CCL18: variants seen among roughly 807,000 people sequenced by gnomAD.
CCL18 encodes C-C motif chemokine ligand 18.
CCL18 carries 7 observed loss-of-function variants against 8.0 expected under a neutral mutation model. That is an observed-to-expected ratio of 0.87 (90% CI 0.50 to 1.64). CCL18 has a LOEUF of 1.64. Among genes scored for constraint, CCL18 ranks in the 40% most tolerant of loss-of-function variants. The pLI, the probability that CCL18 is intolerant of heterozygous loss-of-function variation, is 0.00. For missense variants in CCL18, 95 were observed against 107.8 expected (o/e 0.88, Z 0.52); for synonymous variants, 35 against 41.3 (o/e 0.85, Z 0.59).
At chr17:36,064,660 G>A (rs77975917) in intron 1 of CCL18, among the ~76,000 whole-genome samples, 1,890 of 152,290 alleles carry the variant, frequency 0.012, 40 homozygotes, top group African/African-American at 0.043. Flanking sequence ...GGTTATTAGC[G>A]TGAGGTAGAA....
At chr17:36,070,350 T>G (rs1290190175) in intron 1 of CCL18, 97 bp from the exon 2 acceptor site, 15 of 696,660 alleles carry the variant, frequency 2.2e-5, no homozygotes, top group South Asian at 1.5e-4. Flanking sequence ...AGCGGTGATA[T>G]CTCCCAGTTC....
In CCL18 at chr17:36,066,499, A is replaced by G. The variant is rs1052568193; in HGVS notation, c.67+2090A>G. On this transcript the variant is annotated intron_variant, in intron 1 of 2. Coordinates refer to ENST00000616054, the MANE Select transcript of CCL18 (RefSeq NM_002988.4). The stretch of plus-strand genomic sequence containing the variant: ...CATGAGGAGCTGGAGACTGGGGATG[A>G]CCAGAGGGGAAGATGTTAAGTGCAT... Among the ~76,000 whole-genome samples, 85 of 152,210 alleles carry G rather than the reference A, an allele frequency of 5.6e-4. 1 individual carries two copies. Among genetic ancestry groups the G allele is most frequent in the African/African-American group, 2.0e-3 (82 of 41,466 alleles).
Position 36,064,477 on chromosome 17 carries a change from G to A in CCL18, c.67+68G>A, listed in dbSNP as rs375607603. 2.5e-4 allele frequency: 318 copies of A among 1,255,064 alleles called. 5 individuals carry two copies. In the South Asian group the frequency reaches 3.9e-3, roughly 15 times the overall value. 77.7% of individuals were successfully genotyped at this position (1,255,064 alleles called of 1,614,324 possible). On this transcript the variant is annotated intron_variant, in intron 1 of 2. Coordinates refer to ENST00000616054, the MANE Select transcript of CCL18 (RefSeq NM_002988.4). ...AGTCAGGCGACATCTTCCAAGTGCT[G>A]TGGCCTGAAAACCCTCGTGTGAAAT...
rs556838283 is a variant in CCL18, at chr17:36,068,219, T to C, written c.68-2228T>C. 1.2e-4 allele frequency among the ~76,000 whole-genome samples: 18 copies of C among 152,180 alleles called. No individual in the cohort carries two copies. The South Asian group carries it at 3.7e-3, about 32-fold the overall frequency. On this transcript the variant is annotated intron_variant, in intron 1 of 2. Coordinates refer to ENST00000616054, the MANE Select transcript of CCL18 (RefSeq NM_002988.4). ...AACCTGTATCATGACAACAGTAATG[T>C]CTTCCCCCACCAGACACAGTAAGAA... is the stretch of plus-strand genomic sequence containing the variant.
intron 1 of CCL18, among the ~76,000 whole-genome samples, chr17:36,066,122 G>A (rs1442166207): frequency 2.6e-5 from 4 of 152,206 alleles, no homozygotes; most frequent in Non-Finnish European, 4.4e-5. Flanking sequence ...AGATATCTAA[G>A]TCCTCAGAAA....
At chr17:36,070,131 T>C (rs955497691) in intron 1 of CCL18, among the ~76,000 whole-genome samples, 1 of 152,088 alleles carries the variant, frequency 6.6e-6, no homozygotes, top group Non-Finnish European at 1.5e-5. Flanking sequence ...GCTGTCCTTA[T>C]GAATTCAGAT....
intron 1 of CCL18, among the ~76,000 whole-genome samples, chr17:36,064,673 T>C (rs115039704): frequency 6.1e-4 from 93 of 152,312 alleles, no homozygotes; most frequent in African/African-American, 2.1e-3. Context: ...AGGTAGAATC[T>C]AGGTCTATTT....
chr17:36,068,358 C>G (rs1055746734), intron 1 of CCL18, among the ~76,000 whole-genome samples: 7 of 151,668 alleles, frequency 4.6e-5, no homozygotes, highest in African/African-American at 1.7e-4. Flanking sequence ...GGTTTGGGTA[C>G]TAGAATTTTT....
chr17:36,068,239 T>C (rs2066847514), intron 1 of CCL18, among the ~76,000 whole-genome samples: 1 of 151,650 alleles, frequency 6.6e-6, no homozygotes, highest in African/African-American at 2.4e-5. Flanking sequence ...CCAGACACAG[T>C]AAGAAGAAGG....
Position 36,070,984 on chromosome 17 carries a change from T to G in CCL18, c.213T>G (p.Ala71=), listed in dbSNP as rs1335609155. ...LLTKRGRQIC[A]DPNKKWVQKY... Reference sequence around the variant, plus strand: ...CCAAGAGAGGCCGGCAGATCTGTGCTGACCCCAATAAGAAGTGGGTCCAGA... The same window carrying G: ...CCAAGAGAGGCCGGCAGATCTGTGCGGACCCCAATAAGAAGTGGGTCCAGA... The change falls in exon 3 of 3, where the codon GCT becomes GCG. Residue 71 remains alanine, a synonymous_variant. Transcript: ENST00000616054. 6.2e-7 allele frequency: 1 copy of G among 1,614,096 alleles called. No individual in the cohort carries two copies. The highest frequency in any genetic ancestry group is 1.7e-5 in the Admixed American group (1 of 60,032).
chr17:36,070,101 T>C (rs1438914334), intron 1 of CCL18, among the ~76,000 whole-genome samples: 13 of 151,980 alleles, frequency 8.6e-5, no homozygotes. Flanking sequence ...GTCCAATTGG[T>C]TCTCAGTGGT....
intron 1 of CCL18, among the ~76,000 whole-genome samples, chr17:36,065,463 G>T (rs2066832016): frequency 6.6e-6 from 1 of 152,076 alleles, no homozygotes; most frequent in African/African-American, 2.4e-5. Context: ...CGTGCTCCTT[G>T]TCCCTTGTCC....
At chr17:36,070,252 A>G in intron 1 of CCL18, 195 bp from the exon 2 acceptor site, 3 of 544,006 alleles carry the variant, frequency 5.5e-6, no homozygotes, top group Non-Finnish European at 9.8e-6. Flanking sequence ...GAGAAACACC[A>G]AGAGAAAGAT....
rs560284317 is a variant in CCL18, at chr17:36,065,711, A to G, written c.67+1302A>G. On this transcript the variant is annotated intron_variant, in intron 1 of 2. Coordinates refer to ENST00000616054, the MANE Select transcript of CCL18 (RefSeq NM_002988.4). ...AGGGACCAGCAAGAAGTTGATGAAG[A>G]CCTCACTGCTCAGGACTGTGAAGTA... Among the ~76,000 whole-genome samples, 29 of 152,282 alleles carry G rather than the reference A, an allele frequency of 1.9e-4. 1 individual carries two copies. The South Asian group carries it at 5.6e-3, about 29-fold the overall frequency.
At chr17:36,070,375 G>C (rs1398329361) in intron 1 of CCL18, 72 bp from the exon 2 acceptor site, 6 of 892,976 alleles carry the variant, frequency 6.7e-6, no homozygotes, top group Non-Finnish European at 1.1e-5. Context: ...TGACTCTCAA[G>C]GAAAGGGACC....
intron 1 of CCL18, among the ~76,000 whole-genome samples, chr17:36,070,175 G>A (rs1174404506): frequency 6.6e-6 from 1 of 152,164 alleles, no homozygotes; most frequent in Non-Finnish European, 1.5e-5. Context: ...ATGGGAAATA[G>A]TTTGCTCAGA....
chr17:36,068,248 G>T (rs1026712832), intron 1 of CCL18, among the ~76,000 whole-genome samples: 4 of 151,494 alleles, frequency 2.6e-5, no homozygotes, highest in African/African-American at 9.7e-5. Flanking sequence ...GTAAGAAGAA[G>T]GAAAAAAGCA....
In CCL18 at chr17:36,070,936, C is replaced by T; in HGVS notation, c.180-15C>T. On this transcript the variant is annotated splice_polypyrimidine_tract_variant and intron_variant, in intron 2 of 2. Coordinates refer to ENST00000616054, the MANE Select transcript of CCL18 (RefSeq NM_002988.4). The stretch of plus-strand genomic sequence containing the variant: ...TGAATTCGTCAGTTCTTAACTCTTC[C>T]TCCCTTCTCCACAGCCTCCTAACCA... The T allele has an allele frequency of 6.3e-7, 1 of 1,592,348 alleles. No homozygotes were observed. The highest frequency in any genetic ancestry group is 8.6e-7 in the Non-Finnish European group (1 of 1,160,100).
At position 36,071,165 on chromosome 17, in the gene CCL18, C is replaced by T; in HGVS notation, c.*124C>T. ...CTTCTAAGAGTCCCATCTGCTATGC[C>T]CAGCCACATTAACTAACTTTAATCT... On this transcript the variant is annotated 3_prime_UTR_variant, in exon 3 of 3. Coordinates refer to ENST00000616054, the MANE Select transcript of CCL18 (RefSeq NM_002988.4). 1.6e-6 allele frequency: 1 copy of T among 617,670 alleles called. No individual in the cohort carries two copies. The highest frequency in any genetic ancestry group is 2.8e-5 in the East Asian group (1 of 36,146). The allele number at this position is 617,670 out of a possible 1,614,324, so 38.3% of individuals were successfully genotyped here.
Sources: gnomAD v4.1 joint callset for allele counts (sites outside exome capture counted in the v4.1 genomes callset) on GRCh38, gnomAD v4.1.1 for gene constraint, MANE v1.5 for transcripts, NCBI Gene and HGNC (gene_info 2026-07-23, HGNC 2026-07-21) for gene names.